Variants in SND1 observed in about 807,000 individuals in gnomAD.
SND1 encodes the protein staphylococcal nuclease and tudor domain containing 1, also known as staphylococcal nuclease domain-containing protein 1.
Under a neutral mutation model 121.7 loss-of-function variants are expected in SND1, and 38 were observed. The observed-to-expected ratio is 0.31, with a 90% CI of 0.24 to 0.41. The LOEUF (loss-of-function observed/expected upper bound fraction) is 0.41, where lower values mean the gene tolerates loss of function less well. Among genes scored for constraint, SND1 ranks in the 10% least tolerant of loss-of-function variants. The probability of loss-of-function intolerance (pLI) is 1.00; values close to 1 mark genes in which losing one functional copy is unlikely to be tolerated. For synonymous variants in SND1, 401 were observed against 447.4 expected (o/e 0.90, Z 1.31); for missense variants, 868 against 1,184.6 (o/e 0.73, Z 3.92).
chr7:128,045,293 C>G (rs1792927318), intron 16 of SND1, among the ~76,000 whole-genome samples: 1 of 152,206 alleles, frequency 6.6e-6, no homozygotes, highest in Admixed American at 6.5e-5. Flanking sequence ...TGGCTGCCCC[C>G]AGAATAGAGT....
chr7:127,716,776 T>C (rs1796398173), intron 9 of SND1, among the ~76,000 whole-genome samples: 1 of 152,220 alleles, frequency 6.6e-6, no homozygotes. Flanking sequence ...AGGATGCAGC[T>C]GAATATTTTT....
At chr7:127,684,032 C>T (rs532038641) in intron 1 of SND1, among the ~76,000 whole-genome samples, 1 of 152,212 alleles carries the variant, frequency 6.6e-6, no homozygotes, top group African/African-American at 2.4e-5. Flanking sequence ...GATCCATTGT[C>T]CCCAGGGATC....
chr7:128,069,507 C>T (rs548025797), intron 16 of SND1, among the ~76,000 whole-genome samples: 1 of 152,304 alleles, frequency 6.6e-6, no homozygotes, highest in South Asian at 2.1e-4. Context: ...TTTCTGCCAC[C>T]TCATGGGCCA....
chr7:128,072,981 A>T (rs1793438827), intron 16 of SND1, among the ~76,000 whole-genome samples: 2 of 152,226 alleles, frequency 1.3e-5, no homozygotes, highest in African/African-American at 4.8e-5. Context: ...CCAGCCCAGA[A>T]TTGGGGCCAG....
intron 11 of SND1, among the ~76,000 whole-genome samples, chr7:127,815,088 A>G (rs1798408950): frequency 6.6e-6 from 1 of 152,158 alleles, no homozygotes; most frequent in South Asian, 2.1e-4. Flanking sequence ...AACTTAAGGT[A>G]TCCCTAAAGT....
At chr7:127,694,446 G>C (rs1265696765) in intron 2 of SND1, among the ~76,000 whole-genome samples, 1 of 152,146 alleles carries the variant, frequency 6.6e-6, no homozygotes, top group African/African-American at 2.4e-5. Flanking sequence ...GGAGTGGGTT[G>C]ATATATATAC....
intron 10 of SND1, among the ~76,000 whole-genome samples, chr7:127,764,744 A>C (rs538031963): frequency 6.6e-6 from 1 of 152,320 alleles, no homozygotes; most frequent in South Asian, 2.1e-4. Context: ...GTACCAAATA[A>C]TGTTTCCAGG....
chr7:127,922,524 A>G (rs1250229240), intron 14 of SND1, among the ~76,000 whole-genome samples: 1 of 152,120 alleles, frequency 6.6e-6, no homozygotes, highest in Non-Finnish European at 1.5e-5. Context: ...GGTGGGTAGG[A>G]CCAACCAAAT....
chr7:127,674,296 AT>A, intron 1 of SND1, among the ~76,000 whole-genome samples: 1 of 152,350 alleles, frequency 6.6e-6, no homozygotes, highest in East Asian at 1.9e-4. Flanking sequence ...GTCAGGAAAT[AT>A]TTGTATATAT....
At chr7:127,805,240 T>C (rs923018073) in intron 10 of SND1, among the ~76,000 whole-genome samples, 31 of 152,198 alleles carry the variant, frequency 2.0e-4, no homozygotes, top group African/African-American at 7.5e-4. Flanking sequence ...CTCAATGTTA[T>C]TTTGTTCCTC....
At chr7:127,856,482 A>G (rs188327029) in intron 12 of SND1, among the ~76,000 whole-genome samples, 150 of 152,340 alleles carry the variant, frequency 9.8e-4, no homozygotes, top group Admixed American at 3.4e-3. Flanking sequence ...ATGTGTTTTA[A>G]ACAGGGAAAC....
intron 3 of SND1, among the ~76,000 whole-genome samples, chr7:127,697,349 C>A (rs1301085416): frequency 6.6e-6 from 1 of 152,216 alleles, no homozygotes; most frequent in African/African-American, 2.4e-5. Flanking sequence ...GCATTCAGAA[C>A]TCACTTTTTA....
chr7:127,779,240 G>A (rs144710508), intron 10 of SND1, among the ~76,000 whole-genome samples: 78 of 152,238 alleles, frequency 5.1e-4, no homozygotes, highest in Middle Eastern at 3.4e-3. Context: ...CGTGGTTGTT[G>A]GAGTCATTTA....
chr7:128,053,645 G>T (rs1201131866), intron 16 of SND1, among the ~76,000 whole-genome samples: 2 of 152,020 alleles, frequency 1.3e-5, no homozygotes, highest in Non-Finnish European at 2.9e-5. Context: ...AGTGTTTTCT[G>T]GGGTGGAAGG....
At chr7:128,028,562 A>G in intron 16 of SND1, 4 of 918,034 alleles carry the variant, frequency 4.4e-6, no homozygotes, top group Admixed American at 5.6e-5. Context: ...TTTTTTAACC[A>G]GCCCATAGAC....
At chr7:127,736,269 C>A (rs944859301) in intron 10 of SND1, among the ~76,000 whole-genome samples, 1 of 152,114 alleles carries the variant, frequency 6.6e-6, no homozygotes, top group African/African-American at 2.4e-5. Context: ...GAAGAAAATA[C>A]AAATTACTTA....
chr7:127,697,318 A>G (rs1408716458), intron 3 of SND1, among the ~76,000 whole-genome samples: 1 of 152,188 alleles, frequency 6.6e-6, no homozygotes, highest in Non-Finnish European at 1.5e-5. Context: ...AGGGGAAGAT[A>G]CTTTTCTCCT....
intron 13 of SND1, among the ~76,000 whole-genome samples, chr7:127,899,118 G>A (rs1303626523): frequency 1.3e-5 from 2 of 152,102 alleles, no homozygotes; most frequent in East Asian, 1.9e-4. Flanking sequence ...TGGAAAGATA[G>A]CTGTCTGTTA....
At chr7:127,653,006 G>A (rs957825913) in intron 1 of SND1, among the ~76,000 whole-genome samples, 2 of 152,100 alleles carry the variant, frequency 1.3e-5, no homozygotes, top group Admixed American at 6.5e-5. Context: ...CTTCTAAAAG[G>A]TTAGGCCGGC....
Sources: gnomAD v4.1 joint callset for allele counts (sites outside exome capture counted in the v4.1 genomes callset) on GRCh38, gnomAD v4.1.1 for gene constraint, MANE v1.5 for transcripts, NCBI Gene and HGNC (gene_info 2026-07-23, HGNC 2026-07-21) for gene names.